The following ART3 variants were observed in gnomAD, a reference collection of about 807,000 sequenced individuals.
ART3 encodes ADP-ribosyltransferase 3 (inactive).
A neutral mutation model predicts 48.5 loss-of-function variants in ART3; 49 were observed. The observed-to-expected ratio is 1.01, with a 90% CI of 0.80 to 1.28. The LOEUF (loss-of-function observed/expected upper bound fraction) is 1.28, where lower values mean the gene tolerates loss of function less well. ART3 is among the 50% of genes most tolerant of loss of function. ART3 has a pLI of 0.00. For synonymous variants in ART3, 145 were observed against 157.2 expected, an observed-to-expected ratio of 0.92 and a Z score of 0.58; for missense variants, 438 against 454.3, an observed-to-expected ratio of 0.96 and a Z score of 0.33.
chr4:76,032,618 C>G (rs1733977724), intron 1 of ART3, among the ~76,000 whole-genome samples: 1 of 125,910 alleles, frequency 7.9e-6, no homozygotes, highest in Admixed American at 9.1e-5. Context: ...CAGTTTCACT[C>G]TTGTTGCCCA....
rs745332102 is a variant in ART3 at position 76,081,935 on chromosome 4, G to A, written c.181G>A (p.Ala61Thr). 1.9e-6 allele frequency: 3 copies of A among 1,614,198 alleles called. No individual in the cohort carries two copies. In the South Asian group the frequency reaches 3.3e-5, roughly 18 times the overall value. Residue 61 changes from alanine (A) to threonine (T), a missense_variant, in exon 3 of 12, where the codon GCA (alanine) becomes ACA (threonine). Coordinates refer to ENST00000355810, the MANE Select transcript of ART3 (RefSeq NM_001130016.3). ...TCCCCAACTGCTAAAGGAGGAAAAA[G>A]CAAGCCACCAGCAATTAGATACTGT... ...YVPQLLKEEK[A>T]SHQQLDTVWE...
chr4:76,047,376 T>G (rs998385890), intron 1 of ART3, among the ~76,000 whole-genome samples: 43 of 151,922 alleles, frequency 2.8e-4, no homozygotes, highest in African/African-American at 9.9e-4. Flanking sequence ...GCCTCTTGAT[T>G]TTGTTCAGGG....
chr4:76,072,305 C>T (rs181578268), upstream of ART3, among the ~76,000 whole-genome samples: 251 of 152,230 alleles, frequency 1.6e-3, 1 homozygote, highest in Non-Finnish European at 2.3e-3. Context: ...AATGCTTTTC[C>T]TTATCGTATC....
rs773869103 is a variant in ART3, at chr4:76,034,845, AC to A, written c.-10+23526del. On this transcript the variant is annotated intron_variant, in intron 1 of 9. Coordinates refer to the ART3 transcript ENST00000341029. ...GAATAAGAAAACAAGAGTTTTATTT[AC>A]TTGGGCTGTTCTTGTTTCCCCCAGG... The A allele has an allele frequency of 1.6e-5, 25 of 1,553,454 alleles. 1 individual carries two copies. The South Asian group carries it at 2.9e-4, about 18-fold the overall frequency.
At chr4:76,078,813 G>T (rs1198515518) in intron 2 of ART3, among the ~76,000 whole-genome samples, 2 of 152,202 alleles carry the variant, frequency 1.3e-5, no homozygotes, top group Non-Finnish European at 2.9e-5. Context: ...GGGCACGGTG[G>T]CTCACGCCTG....
intron 1 of ART3, among the ~76,000 whole-genome samples, chr4:76,019,102 G>A (rs917367411): frequency 2.0e-5 from 3 of 151,358 alleles, no homozygotes; most frequent in Admixed American, 6.6e-5. Context: ...TGAAGTCATG[G>A]GAATTTGAAC....
intron 3 of ART3, among the ~76,000 whole-genome samples, chr4:76,097,306 G>A (rs1381577260): frequency 1.3e-5 from 2 of 152,078 alleles, no homozygotes; most frequent in Non-Finnish European, 2.9e-5. Flanking sequence ...CTGGGCTCAA[G>A]CGATCCTCCC....
At chr4:76,092,776 G>A (rs1316687179) in intron 3 of ART3, among the ~76,000 whole-genome samples, 2 of 152,072 alleles carry the variant, frequency 1.3e-5, no homozygotes, top group African/African-American at 2.4e-5. Flanking sequence ...ATATTAAACT[G>A]CTTGAGGTTG....
intron 1 of ART3, among the ~76,000 whole-genome samples, chr4:76,059,373 T>TC (rs370195892): frequency 0.05 from 7,410 of 149,652 alleles, 240 homozygotes; most frequent in South Asian, 0.14. Flanking sequence ...TTTTTTTTTC[T>TC]TTTTTTTTTC....
At chr4:76,052,225 A>G (rs1736179801) in intron 1 of ART3, among the ~76,000 whole-genome samples, 1 of 152,168 alleles carries the variant, frequency 6.6e-6, no homozygotes, top group South Asian at 2.1e-4. Flanking sequence ...GGACTTTGAC[A>G]TAAGAAGAGA....
chr4:76,040,437 TACACACAC>T (rs748020159), intron 1 of ART3, among the ~76,000 whole-genome samples: 2,051 of 88,464 alleles, frequency 0.023, 29 homozygotes, highest in Non-Finnish European at 0.032. Context: ...ATACACTGGA[TACACACAC>T]ACACACACAC....
intron 1 of ART3, among the ~76,000 whole-genome samples, chr4:76,032,097 T>C (rs558128255): frequency 9.3e-4 from 141 of 152,360 alleles, no homozygotes; most frequent in Non-Finnish European, 1.5e-3. Context: ...ATATTTCATA[T>C]ATTTATTTTG....
rs374856758 is a variant in ART3, at chr4:76,064,960, T to C, written c.-9-10921T>C. 4.6e-5 allele frequency among the ~76,000 whole-genome samples: 7 copies of C among 152,038 alleles called. No individual in the cohort carries two copies. The South Asian group carries it at 1.5e-3, about 32-fold the overall frequency. ...GATTCTCCTGCCTCAGCGTCCTGAG[T>C]AGCTGGGATTACAGGCACCTGCCAC... On this transcript the variant is annotated intron_variant, in intron 1 of 9. Coordinates refer to the ART3 transcript ENST00000341029.
intron 1 of ART3, among the ~76,000 whole-genome samples, chr4:76,033,024 T>C (rs1311462492): frequency 6.6e-6 from 1 of 152,070 alleles, no homozygotes; most frequent in African/African-American, 2.4e-5. Context: ...TATAGATATA[T>C]CTGATTATAA....
intron 3 of ART3, among the ~76,000 whole-genome samples, chr4:76,087,967 G>T (rs1723973503): frequency 6.6e-6 from 1 of 152,122 alleles, no homozygotes; most frequent in Non-Finnish European, 1.5e-5. Flanking sequence ...AGTGGTGTGT[G>T]CCTGTAGACC....
At chr4:76,057,431 G>T (rs1560602534) in intron 1 of ART3, among the ~76,000 whole-genome samples, 1 of 152,164 alleles carries the variant, frequency 6.6e-6, no homozygotes, top group Non-Finnish European at 1.5e-5. Flanking sequence ...GGTCATAAAA[G>T]ATGTTAATAT....
intron 11 of ART3, among the ~76,000 whole-genome samples, chr4:76,108,281 G>T (rs941866692): frequency 2.0e-5 from 3 of 152,010 alleles, no homozygotes; most frequent in Non-Finnish European, 1.5e-5. Context: ...GAGAAGATTG[G>T]AAGCTATTCT....
intron 10 of ART3, chr4:76,105,539 C>A (rs1728281137): frequency 7.8e-7 from 1 of 1,288,900 alleles, no homozygotes; most frequent in Non-Finnish European, 1.0e-6. Flanking sequence ...AATGATACAA[C>A]TGAATGAAAA....
intron 1 of ART3, among the ~76,000 whole-genome samples, chr4:76,048,328 T>A (rs1047866424): frequency 2.6e-5 from 4 of 151,802 alleles, no homozygotes; most frequent in Non-Finnish European, 5.9e-5. Flanking sequence ...AGGTGGCCAT[T>A]TTTCCCCATC....
Sources: allele counts gnomAD v4.1 joint callset (sites outside exome capture counted in the v4.1 genomes callset), GRCh38; gene constraint gnomAD v4.1.1; transcripts MANE v1.5; gene names NCBI Gene and HGNC (gene_info 2026-07-23, HGNC 2026-07-21).